Variants in SPEG observed in about 807,000 individuals in gnomAD.
SPEG encodes striated muscle enriched protein kinase, also known as striated muscle preferentially expressed protein kinase.
SPEG carries 114 observed loss-of-function variants against 300.4 expected under a neutral mutation model. That is an observed-to-expected ratio of 0.38 (90% CI 0.33 to 0.44). The LOEUF is 0.44. SPEG is among the 20% of genes least tolerant of loss of function. The probability of loss-of-function intolerance (pLI) is 1.00; values close to 1 mark genes in which losing one functional copy is unlikely to be tolerated. For missense variants in SPEG, 4,201 were observed against 4,586.2 expected (o/e 0.92, Z 2.43); for synonymous variants, 1,964 against 2,018.9 (o/e 0.97, Z 0.73).
At chr2:219,485,108 G>A in intron 30 of SPEG, 36 bp downstream of exon 30, 6 of 1,525,362 alleles carry the variant, frequency 3.9e-6, no homozygotes, top group Non-Finnish European at 5.3e-6. Context: ...CAGGTGCAGA[G>A]GAGGGTGGGG....
rs1220556762 is a variant in SPEG, at chr2:219,448,967, C to T, written c.1809C>T (p.Ala603=). 1.3e-6 allele frequency: 2 copies of T among 1,509,912 alleles called. No individual in the cohort carries two copies. Among genetic ancestry groups the T allele is most frequent in the Non-Finnish European group, 8.8e-7 (1 of 1,132,604 alleles). The allele number at this position is 1,509,912 out of a possible 1,614,324, so 93.5% of individuals were successfully genotyped here. A position where few individuals can be genotyped will look rare whatever the true frequency, so the allele number is the denominator to read the frequency against. ...RDQFPLTRSR[A]IQECRSPVPP... ...AATTCCCGCTGACCCGGAGCAGAGC[C>T]ATCCAGGAGTGCAGGAGCCCTGTGC... is the stretch of plus-strand genomic sequence containing the variant. The change falls in exon 4 of 41, where the codon GCC becomes GCT. Residue 603 remains alanine, a synonymous_variant. Transcript: ENST00000312358.
chr2:219,490,330 TCTCCTCCGTTAGCC>T, intron 36 of SPEG, 65 bp from the exon 37 acceptor site: 1 of 1,532,734 alleles, frequency 6.5e-7, no homozygotes, highest in Non-Finnish European at 8.8e-7. Context: ...GGGTCCCTGC[TCTCCTCCGTTAGCC>T]CTCACTATGG....
At position 219,445,216 on chromosome 2, in the gene SPEG, C is replaced by T. The variant is rs1209073219; in HGVS notation, c.815+55C>T. On this transcript the variant is annotated intron_variant, in intron 3 of 40. Transcript: ENST00000312358. The surrounding 1 kb of genome is among the most constrained non-coding windows in gnomAD (Gnocchi z 6.1). ...TGCCCCATCTCACCACGCTGTCCTG[C>T]GCTGCCCTCACTGCTCAGTCAGCCT... 2.8e-5 allele frequency: 41 copies of T among 1,476,956 alleles called. No homozygotes were observed. In the South Asian group the frequency reaches 4.0e-4, roughly 14 times the overall value. 91.5% of individuals were successfully genotyped at this position (1,476,956 alleles called of 1,614,324 possible).
At chr2:219,469,079 C>G (rs1691639564) in intron 12 of SPEG, 31 bp downstream of exon 12, 2 of 1,608,430 alleles carry the variant, frequency 1.2e-6, no homozygotes, top group African/African-American at 2.7e-5. Flanking sequence ...GATGCTGGGG[C>G]TGCCTGTGAG....
Position 219,449,119 on chromosome 2 carries a change from C to A in SPEG, c.1961C>A (p.Pro654His). 7 of 1,463,036 alleles carry A rather than the reference C, an allele frequency of 4.8e-6. No homozygotes were observed. The highest frequency in any genetic ancestry group is 1.8e-4 in the Middle Eastern group (1 of 5,578). The allele number at this position is 1,463,036 out of a possible 1,614,324, so 90.6% of individuals were successfully genotyped here. A position where few individuals can be genotyped will look rare whatever the true frequency, so the allele number is the denominator to read the frequency against. Residue 654 changes from proline (P) to histidine (H), a missense_variant, in exon 4 of 41, where the codon CCC becomes CAC. Transcript: ENST00000312358. ...CCGGGCCTGGAGGGCGCTGCTGTAC[C>A]CCAGACCTTGGAGAAGAACAGGGCG... The part of the protein sequence containing the change: ...ATPGLEGAAV[P>H]QTLEKNRAGP...
chr2:219,467,466 G>A (rs745628334), intron 10 of SPEG, 32 bp downstream of exon 10: 10 of 1,575,178 alleles, frequency 6.3e-6, no homozygotes, highest in South Asian at 1.1e-5. Flanking sequence ...GGGCTGCCGT[G>A]GGTGCCCAAG....
chr2:219,474,002 CA>C (rs753733677), intron 18 of SPEG, 99 bp downstream of exon 18: 396 of 1,274,792 alleles, frequency 3.1e-4, no homozygotes, highest in Non-Finnish European at 4.0e-4. Context: ...GCTGCAGATC[CA>C]AACCCATGTC....
At chr2:219,462,175 A>G (rs1241707919) in intron 7 of SPEG, 118 bp downstream of exon 7, 22 of 1,178,176 alleles carry the variant, frequency 1.9e-5, no homozygotes, top group Non-Finnish European at 2.4e-5. Context: ...TCCCATTCAA[A>G]CCCTCTTACC....
chr2:219,470,882 G>T (rs1006802037), intron 13 of SPEG, among the ~76,000 whole-genome samples: 2 of 152,212 alleles, frequency 1.3e-5, no homozygotes, highest in Non-Finnish European at 2.9e-5. Context: ...AGCATGTCAG[G>T]TACCTGGTAT....
chr2:219,454,523 T>C (rs904205035), intron 6 of SPEG, among the ~76,000 whole-genome samples: 7 of 152,344 alleles, frequency 4.6e-5, no homozygotes, highest in Admixed American at 1.3e-4. Flanking sequence ...TTGGACAGTG[T>C]CATAGACTTT....
In SPEG at chr2:219,483,824, G is replaced by C. The variant is rs1380813495; in HGVS notation, c.6361G>C (p.Glu2121Gln). 1 of 1,581,486 alleles carries C rather than the reference G, an allele frequency of 6.3e-7. No homozygotes were observed. The highest frequency in any genetic ancestry group is 8.5e-7 in the Non-Finnish European group (1 of 1,170,530). The change falls in exon 30 of 41, where the codon GAG (glutamate) becomes CAG (glutamine). Residue 2121 changes from glutamate to glutamine, a missense_variant. Around this residue, in one of 4 missense-constraint regions of SPEG, gnomAD observed 1,578 missense variants for 1,506.0 expected, o/e 1.05. Transcript: ENST00000312358. ...EAAPHHQPPL[E>Q]NRGLQKSSSF... ...AGCGCCCCACCACCAGCCCCCACTCGAGAACCGGGGCCTGCAAAAGAGCAG... is the reference window on the plus strand; with the variant it reads ...AGCGCCCCACCACCAGCCCCCACTCCAGAACCGGGGCCTGCAAAAGAGCAG...
rs1487546453 is a variant in SPEG at position 219,479,135 on chromosome 2, G to T, written c.5028-9G>T. ...CACTGGGCACTGTTCTCCTTGATCT[G>T]GGATGTAGCTGCACAGAGGAGCTGC... On this transcript the variant is annotated splice_polypyrimidine_tract_variant and intron_variant, in intron 22 of 40. Transcript: ENST00000312358. The surrounding 1 kb of genome is among the most constrained non-coding windows in gnomAD (Gnocchi z 5.5). 2 of 1,613,140 alleles carry T rather than the reference G, an allele frequency of 1.2e-6. No individual in the cohort carries two copies. The highest frequency in any genetic ancestry group is 1.7e-6 in the Non-Finnish European group (2 of 1,179,796).
chr2:219,451,040 T>C lies in SPEG; in HGVS notation c.2114-96T>C. The C allele has an allele frequency of 7.6e-7, 1 of 1,316,722 alleles. No individual in the cohort carries two copies. Among genetic ancestry groups the C allele is most frequent in the Non-Finnish European group, 1.0e-6 (1 of 984,272 alleles). The allele number at this position is 1,316,722 out of a possible 1,614,324, so 81.6% of individuals were successfully genotyped here. Reference sequence around the variant, plus strand: ...TTTCTAGAAGCCCCTCTGTCTGGGTTTGGCTTTCTAGGATGCAGGCCACCA... The same window carrying C: ...TTTCTAGAAGCCCCTCTGTCTGGGTCTGGCTTTCTAGGATGCAGGCCACCA... On this transcript the variant is annotated intron_variant, in intron 4 of 40. Coordinates refer to ENST00000312358, the MANE Select transcript of SPEG (RefSeq NM_005876.5). The surrounding 1 kb of genome is among the most constrained non-coding windows in gnomAD (Gnocchi z 6.4).
At chr2:219,483,021 C>G in intron 29 of SPEG, 77 bp from the exon 30 acceptor site, 1 of 1,497,314 alleles carries the variant, frequency 6.7e-7, no homozygotes, top group Non-Finnish European at 9.1e-7. Flanking sequence ...GCCTCTTCCC[C>G]AGGGCTGAGG....
At chr2:219,491,475 T>C (rs1028202385) in intron 38 of SPEG, among the ~76,000 whole-genome samples, 1 of 152,156 alleles carries the variant, frequency 6.6e-6, no homozygotes, top group African/African-American at 2.4e-5. Context: ...AATCTTGGTG[T>C]CAGCCACACT....
chr2:219,456,021 T>A (rs984495977), intron 6 of SPEG, among the ~76,000 whole-genome samples: 5 of 152,246 alleles, frequency 3.3e-5, no homozygotes, highest in Non-Finnish European at 7.3e-5. Flanking sequence ...GTACCTTAGC[T>A]GGTCATGGTT....
Position 219,479,001 on chromosome 2 carries a change from AG to A in SPEG, c.5028-141del. 1.4e-6 allele frequency: 1 copy of A among 695,486 alleles called. No individual in the cohort carries two copies. The highest frequency in any genetic ancestry group is 1.7e-5 in the South Asian group (1 of 60,196). 43.1% of individuals were successfully genotyped at this position (695,486 alleles called of 1,614,324 possible). ...GGAGGTGGGGAGGGGGTACACGTGG[AG>A]GAGCGGAGAGGCAGTCTCTGGCTAG... On this transcript the variant is annotated intron_variant, in intron 22 of 40. Transcript: ENST00000312358. The surrounding 1 kb of genome is among the most constrained non-coding windows in gnomAD (Gnocchi z 5.5).
chr2:219,492,332 A>G, intron 40 of SPEG, 72 bp downstream of exon 40: 5 of 1,502,432 alleles, frequency 3.3e-6, no homozygotes, highest in Non-Finnish European at 4.6e-6. Flanking sequence ...GAGATCTCCC[A>G]GCTCCTCCCC....
Position 219,486,520 on chromosome 2 carries a change from G to A in SPEG, c.7741+1043G>A, listed in dbSNP as rs116936930. 1.8e-3 allele frequency among the ~76,000 whole-genome samples: 276 copies of A among 152,282 alleles called. 8 individuals carry two copies. The East Asian group carries it at 0.049, about 27-fold the overall frequency. On this transcript the variant is annotated intron_variant, in intron 31 of 40. Transcript: ENST00000312358. The stretch of plus-strand genomic sequence containing the variant: ...GAGGGAAGGGCTGCTGGTGGGGAGG[G>A]GAGGGTGGAGAGTGAGGGGGAAAGA...
Sources: gnomAD v4.1 joint callset for allele counts (sites outside exome capture counted in the v4.1 genomes callset) on GRCh38, gnomAD v4.1.1 for gene constraint, gnomAD v4.1.1 regional missense constraint, Gnocchi (gnomAD v3.1) non-coding constraint, MANE v1.5 for transcripts, NCBI Gene and HGNC (gene_info 2026-07-23, HGNC 2026-07-21) for gene names.